CTNNA2: variants seen among roughly 807,000 people sequenced by gnomAD.
CTNNA2 encodes the protein catenin alpha 2.
A neutral mutation model predicts 101.0 loss-of-function variants in CTNNA2; 42 were observed. The ratio of observed to expected loss-of-function variants is 0.42; its 90% CI spans 0.32 to 0.54. The LOEUF is 0.54. Ranked by LOEUF, CTNNA2 falls within the 20% of genes least tolerant of loss-of-function variation. CTNNA2 has a pLI of 0.14. For synonymous variants in CTNNA2, 450 were observed against 456.4 expected, an observed-to-expected ratio of 0.99 and a Z score of 0.18; for missense variants, 871 against 1,223.1, an observed-to-expected ratio of 0.71 and a Z score of 4.29.
chr2:79,835,685 T>TTGTTTGTTTGTTTG (rs1558565798), intron 3 of CTNNA2, among the ~76,000 whole-genome samples: 8 of 134,358 alleles, frequency 6.0e-5, no homozygotes, highest in African/African-American at 2.2e-4. Flanking sequence ...TTTTTTTTTT[T>TTGTTTGTTTGTTTG]TTTTTTTTTT....
intron 1 of CTNNA2, among the ~76,000 whole-genome samples, chr2:79,593,973 C>T (rs552182039): frequency 7.5e-5 from 11 of 146,350 alleles, no homozygotes; most frequent in African/African-American, 2.8e-4. Context: ...ATTGCCACCT[C>T]GGCCTCCCAG....
intron 7 of CTNNA2, among the ~76,000 whole-genome samples, chr2:80,292,216 C>T (rs563370512): frequency 6.6e-6 from 1 of 152,282 alleles, no homozygotes; most frequent in Non-Finnish European, 1.5e-5. Flanking sequence ...CCATTCTAAG[C>T]ACTTTATAAG....
At chr2:79,697,024 T>C (rs543173674) in intron 2 of CTNNA2, among the ~76,000 whole-genome samples, 2 of 152,056 alleles carry the variant, frequency 1.3e-5, no homozygotes, top group African/African-American at 2.4e-5. Context: ...AATACCCTCA[T>C]TTTACAGATT....
intron 17 of CTNNA2, among the ~76,000 whole-genome samples, chr2:80,610,460 G>T (rs753482814): frequency 2.0e-5 from 3 of 151,268 alleles, no homozygotes; most frequent in Non-Finnish European, 4.4e-5. Flanking sequence ...TTTTTCAGAA[G>T]AAGCCATCAT....
At chr2:79,874,427 A>G in intron 6 of CTNNA2, 85 bp downstream of exon 6, 1 of 1,440,576 alleles carries the variant, frequency 6.9e-7, no homozygotes, top group Non-Finnish European at 9.4e-7. Flanking sequence ...GGGCCACTAC[A>G]ATAATTTACA....
At position 80,647,775 on chromosome 2, in the gene CTNNA2, C is replaced by G; in HGVS notation, c.2765C>G (p.Pro922Arg). ...EKKPLVKREK[P>R]EEFQTRVRRG... Reference sequence around the variant, plus strand: ...AAGCCCCTTGTGAAGAGAGAAAAGCCTGAAGAATTCCAGACACGAGTTCGA... The same window carrying G: ...AAGCCCCTTGTGAAGAGAGAAAAGCGTGAAGAATTCCAGACACGAGTTCGA... Residue 922 changes from proline to arginine, a missense_variant, in exon 19 of 19, where the codon CCT becomes CGT. Physicochemically the swap from Pro to Arg is moderately radical, Grantham distance 103. Transcript: ENST00000402739. The G allele has an allele frequency of 1.2e-6, 2 of 1,613,626 alleles. No homozygotes were observed. Among genetic ancestry groups the G allele is most frequent in the Non-Finnish European group, 1.7e-6 (2 of 1,179,614 alleles).
intron 7 of CTNNA2, among the ~76,000 whole-genome samples, chr2:79,961,678 C>A (rs561711039): frequency 6.6e-6 from 1 of 151,878 alleles, no homozygotes. Context: ...AAAAATTAGC[C>A]GGGCGTGGTG....
At chr2:80,631,211 T>C (rs983062467) in intron 18 of CTNNA2, among the ~76,000 whole-genome samples, 4 of 152,170 alleles carry the variant, frequency 2.6e-5, no homozygotes, top group African/African-American at 7.2e-5. Context: ...AGGTACAAGA[T>C]ACTGTATCAT....
rs1700479980 is a variant in CTNNA2, at chr2:80,100,565, G to T, written c.1056+190768G>T. Among the ~76,000 whole-genome samples the T allele has an allele frequency of 2.0e-5, 3 of 152,138 alleles. No individual in the cohort carries two copies. The South Asian group carries it at 6.2e-4, about 32-fold the overall frequency. ...ACATTCTGAAATCCTCCTAGTCAAT[G>T]TCATGAGACTACTCTTGAACTTTGT... On this transcript the variant is annotated intron_variant, in intron 7 of 18. Coordinates refer to ENST00000402739, the MANE Select transcript of CTNNA2 (RefSeq NM_001282597.3).
chr2:80,147,879 TG>T (rs1703448403), intron 7 of CTNNA2, among the ~76,000 whole-genome samples: 1 of 151,816 alleles, frequency 6.6e-6, no homozygotes, highest in African/African-American at 2.4e-5. Flanking sequence ...CCTGACAGAG[TG>T]GTTTTAAAAG....
chr2:79,694,779 G>A (rs35484356), intron 2 of CTNNA2, among the ~76,000 whole-genome samples: 17,750 of 151,806 alleles, frequency 0.12, 1,096 homozygotes, highest in South Asian at 0.2. Flanking sequence ...AATTTTAATA[G>A]AAAGTAGAGA....
intron 2 of CTNNA2, among the ~76,000 whole-genome samples, chr2:79,216,375 C>T (rs1674259649): frequency 6.6e-6 from 1 of 151,518 alleles, no homozygotes; most frequent in Non-Finnish European, 1.5e-5. Flanking sequence ...TTCTTACCCT[C>T]CAGAAAAGCA....
intron 4 of CTNNA2, among the ~76,000 whole-genome samples, chr2:79,454,874 G>T (rs958943473): frequency 1.3e-5 from 2 of 152,158 alleles, no homozygotes; most frequent in Non-Finnish European, 2.9e-5. Context: ...GTGAATATAT[G>T]CTCGTATCTT....
chr2:80,404,583 G>A (rs1289671971), intron 8 of CTNNA2, among the ~76,000 whole-genome samples: 7 of 152,118 alleles, frequency 4.6e-5, no homozygotes, highest in African/African-American at 1.7e-4. Context: ...TTGGGGAAAG[G>A]AGAAACAGGA....
Position 79,744,462 on chromosome 2 carries a change from C to T in CTNNA2, c.178C>T (p.Leu60=), listed in dbSNP as rs1349928599. 4 of 1,614,140 alleles carry T rather than the reference C, an allele frequency of 2.5e-6. No individual in the cohort carries two copies. The South Asian group carries it at 4.4e-5, about 18-fold the overall frequency. ...KKGRSKKAHV[L]AASVEQATQN... is the part of the protein sequence containing the mutation. ...AGGGAGGTCAAAGAAAGCCCATGTA[C>T]TAGCTGCCTCTGTAGAGCAAGCCAC... Residue 60 remains leucine, a synonymous_variant, in exon 3 of 19, where the codon CTA becomes TTA. Coordinates refer to ENST00000402739, the MANE Select transcript of CTNNA2 (RefSeq NM_001282597.3).
chr2:79,880,651 G>T (rs1273340357), intron 6 of CTNNA2, among the ~76,000 whole-genome samples: 1 of 151,956 alleles, frequency 6.6e-6, no homozygotes, highest in Non-Finnish European at 1.5e-5. Context: ...TTTCTGTGGG[G>T]TCAATGGTGA....
intron 18 of CTNNA2, among the ~76,000 whole-genome samples, chr2:80,639,513 A>ATGTGTG (rs112045877): frequency 0.03 from 4,486 of 147,490 alleles, 76 homozygotes; most frequent in African/African-American, 0.041. Context: ...CCCAGCCTTG[A>ATGTGTG]TGTGTGTGTG....
intron 1 of CTNNA2, among the ~76,000 whole-genome samples, chr2:79,628,809 G>T (rs575805654): frequency 6.6e-6 from 1 of 152,104 alleles, no homozygotes; most frequent in Non-Finnish European, 1.5e-5. Flanking sequence ...TTCACGATCT[G>T]TGACTCTTGT....
At chr2:80,224,734 C>G (rs546759962) in intron 7 of CTNNA2, among the ~76,000 whole-genome samples, 1 of 152,086 alleles carries the variant, frequency 6.6e-6, no homozygotes, top group Non-Finnish European at 1.5e-5. Context: ...ATGAGCCACT[C>G]GTGCCCAGCC....
Sources: gnomAD v4.1 joint callset for allele counts (sites outside exome capture counted in the v4.1 genomes callset) on GRCh38, gnomAD v4.1.1 for gene constraint, MANE v1.5 for transcripts, NCBI Gene and HGNC (gene_info 2026-07-23, HGNC 2026-07-21) for gene names.